TRAPPC9: variants seen among roughly 807,000 people sequenced by gnomAD.
The protein encoded by TRAPPC9 is trafficking protein particle complex subunit 9, also known as IKK2 binding protein.
A neutral mutation model predicts 124.0 loss-of-function variants in TRAPPC9; 83 were observed. The ratio of observed to expected loss-of-function variants is 0.67; its 90% CI spans 0.56 to 0.80. TRAPPC9 has a LOEUF of 0.80. Ranked by LOEUF, TRAPPC9 falls within the 30% of genes least tolerant of loss-of-function variation. TRAPPC9 has a pLI of 0.00. For synonymous variants in TRAPPC9, 638 were observed against 617.5 expected (o/e 1.03, Z -0.49); for missense variants, 1,302 against 1,508.3 (o/e 0.86, Z 2.27).
chr8:140,290,695 C>T (rs548845860), intron 12 of TRAPPC9, among the ~76,000 whole-genome samples: 90 of 152,288 alleles, frequency 5.9e-4, no homozygotes, highest in Admixed American at 1.9e-3. Flanking sequence ...GCAACCTCAA[C>T]ACATCTCACG....
At position 140,093,704 on chromosome 8, in the gene TRAPPC9, A is replaced by G. The variant is rs544985376; in HGVS notation, c.2557-69625T>C. Among the ~76,000 whole-genome samples the G allele has an allele frequency of 2.6e-5, 4 of 152,174 alleles. No individual in the cohort carries two copies. The East Asian group carries it at 7.8e-4, about 30-fold the overall frequency. On this transcript the variant is annotated intron_variant, in intron 17 of 22. Coordinates refer to ENST00000438773, the MANE Select transcript of TRAPPC9 (RefSeq NM_001160372.4). ...AAAAAAAGACTTCAGACAGTAAACT[A>G]AAGTGTTTAAAGCTGGATAGAATTT...
chr8:140,168,539 C>T (rs996501869), intron 17 of TRAPPC9, among the ~76,000 whole-genome samples: 13 of 152,358 alleles, frequency 8.5e-5, no homozygotes, highest in African/African-American at 3.1e-4. Context: ...TTAGCCTGTT[C>T]TCAAGGCTCA....
intron 14 of TRAPPC9, among the ~76,000 whole-genome samples, chr8:140,278,706 C>T (rs893039449): frequency 6.6e-6 from 1 of 152,202 alleles, no homozygotes; most frequent in Non-Finnish European, 1.5e-5. Context: ...GCCGCCTGCT[C>T]CTGACCTCTG....
At position 139,965,624 on chromosome 8, in the gene TRAPPC9, G is replaced by A. The variant is rs180780649; in HGVS notation, c.2810+23102C>T. Among the ~76,000 whole-genome samples the A allele has an allele frequency of 7.0e-5, 7 of 99,492 alleles. 1 individual carries two copies. In the East Asian group the frequency reaches 1.6e-3, roughly 23 times the overall value. The allele number at this position is 99,492 out of a possible 152,430, so 65.3% of individuals were successfully genotyped here. A position where few individuals can be genotyped will look rare whatever the true frequency, so the allele number is the denominator to read the frequency against. On this transcript the variant is annotated intron_variant, in intron 19 of 22. Coordinates refer to ENST00000438773, the MANE Select transcript of TRAPPC9 (RefSeq NM_001160372.4). ...TGCTGGTCTCCAGGAGCCCCCAGCT[G>A]ACACTGGCTGAGATTTTCCATCCCA...
At chr8:140,333,153 A>T (rs2066940138) in intron 9 of TRAPPC9, among the ~76,000 whole-genome samples, 1 of 151,994 alleles carries the variant, frequency 6.6e-6, no homozygotes, top group South Asian at 2.1e-4. Flanking sequence ...AAAGAAAAGA[A>T]TGAAAAGAAA....
chr8:140,014,475 A>G (rs1024230112), intron 18 of TRAPPC9, among the ~76,000 whole-genome samples: 2 of 152,142 alleles, frequency 1.3e-5, no homozygotes, highest in East Asian at 3.9e-4. Context: ...ACCTATCTAT[A>G]TTGGGCTTTG....
intron 16 of TRAPPC9, among the ~76,000 whole-genome samples, chr8:140,247,825 C>A (rs925116484): frequency 3.3e-5 from 5 of 152,088 alleles, no homozygotes. Flanking sequence ...ATATAACTCA[C>A]TAGAAACTAC....
intron 21 of TRAPPC9, among the ~76,000 whole-genome samples, chr8:139,755,490 C>T (rs149659362): frequency 0.012 from 1,636 of 135,980 alleles, 18 homozygotes; most frequent in Non-Finnish European, 0.019. Context: ...CAGGAGGAGC[C>T]AGGGTTGGGG....
At chr8:140,212,690 A>T (rs2131262089) in intron 17 of TRAPPC9, among the ~76,000 whole-genome samples, 1 of 152,002 alleles carries the variant, frequency 6.6e-6, no homozygotes, top group East Asian at 1.9e-4. Flanking sequence ...ATTTCATATT[A>T]TTTCTCCCTT....
chr8:140,342,795 C>CA (rs2067231398), intron 9 of TRAPPC9, among the ~76,000 whole-genome samples: 1 of 152,142 alleles, frequency 6.6e-6, no homozygotes, highest in South Asian at 2.1e-4. Context: ...CTTGGCAATA[C>CA]AAAAAATCAT....
chr8:140,278,664 G>A (rs148904563), intron 14 of TRAPPC9, among the ~76,000 whole-genome samples: 10 of 152,216 alleles, frequency 6.6e-5, no homozygotes, highest in Non-Finnish European at 1.2e-4. Flanking sequence ...GGAGAGGGCC[G>A]GACAACGCAA....
intron 8 of TRAPPC9, among the ~76,000 whole-genome samples, chr8:140,367,931 C>G (rs1169578680): frequency 6.6e-6 from 1 of 152,136 alleles, no homozygotes; most frequent in Non-Finnish European, 1.5e-5. Context: ...TCCATCCTAT[C>G]CCTCCAGGGA....
chr8:139,739,333 C>A (rs7813826), intron 21 of TRAPPC9, among the ~76,000 whole-genome samples: 1 of 152,246 alleles, frequency 6.6e-6, no homozygotes, highest in Non-Finnish European at 1.5e-5. Context: ...CCTTTCTGCA[C>A]GACCACAGCT....
chr8:139,996,966 C>T (rs1049526643), intron 18 of TRAPPC9, among the ~76,000 whole-genome samples: 10 of 152,108 alleles, frequency 6.6e-5, no homozygotes, highest in East Asian at 5.8e-4. Flanking sequence ...AGGCTGGTCT[C>T]GAATGCCTGA....
intron 19 of TRAPPC9, among the ~76,000 whole-genome samples, chr8:139,957,191 C>G (rs1274249097): frequency 6.6e-6 from 1 of 152,254 alleles, no homozygotes; most frequent in Non-Finnish European, 1.5e-5. Flanking sequence ...CTTGGGCCAG[C>G]CCAGGCCAAG....
chr8:139,757,459 A>G (rs1819924076), intron 21 of TRAPPC9, among the ~76,000 whole-genome samples: 1 of 151,084 alleles, frequency 6.6e-6, no homozygotes, highest in Admixed American at 6.6e-5. Flanking sequence ...GGATGAGGAC[A>G]GCAGGTCGCA....
intron 21 of TRAPPC9, among the ~76,000 whole-genome samples, chr8:139,862,918 G>A (rs1422839853): frequency 6.6e-6 from 1 of 152,232 alleles, no homozygotes; most frequent in Non-Finnish European, 1.5e-5. Flanking sequence ...TTTCGATCCG[G>A]TGGGTGGCCC....
chr8:140,096,252 G>C (rs1236468380), intron 17 of TRAPPC9: 1 of 152,264 alleles, frequency 6.6e-6, no homozygotes, highest in Non-Finnish European at 1.5e-5. Flanking sequence ...AGAGGAGACA[G>C]GGAGGTAAGT....
In TRAPPC9 at chr8:140,292,445, T is replaced by C. The variant is rs147999740; in HGVS notation, c.1769-1367A>G. On this transcript the variant is annotated intron_variant, in intron 11 of 22. Transcript: ENST00000438773. ...GCTAACAGGGCAGTGGAGGGCTTCT[T>C]CTCTAGCAGATAAGAACGTCTGTTG... Among the ~76,000 whole-genome samples, 4 of 152,312 alleles carry C rather than the reference T, an allele frequency of 2.6e-5. No homozygotes were observed. The East Asian group carries it at 5.8e-4, about 22-fold the overall frequency.
Sources: gnomAD v4.1 joint callset for allele counts (sites outside exome capture counted in the v4.1 genomes callset) on GRCh38, gnomAD v4.1.1 for gene constraint, MANE v1.5 for transcripts, NCBI Gene and HGNC (gene_info 2026-07-23, HGNC 2026-07-21) for gene names.